MRPS28: variants seen among roughly 807,000 people sequenced by gnomAD.
MRPS28 encodes the protein small ribosomal subunit protein bS1m.
A neutral mutation model predicts 10.8 loss-of-function variants in MRPS28; 7 were observed. The ratio of observed to expected loss-of-function variants is 0.65; its 90% confidence interval spans 0.37 to 1.22. The LOEUF is 1.22. Among genes scored for constraint, MRPS28 ranks in the 50% most tolerant of loss-of-function variants. The probability of loss-of-function intolerance (pLI) is 0.02; values close to 1 mark genes in which losing one functional copy is unlikely to be tolerated. For missense variants in MRPS28, 265 were observed against 232.9 expected (o/e 1.14, Z -0.90); for synonymous variants, 121 against 93.3 (o/e 1.30, Z -1.71).
intron 2 of MRPS28, among the ~76,000 whole-genome samples, chr8:79,938,185 C>T (rs1456997661): frequency 2.0e-5 from 3 of 151,280 alleles, no homozygotes; most frequent in African/African-American, 7.3e-5. Context: ...GGGAAGTGCT[C>T]ACCTATCAAG....
At chr8:80,004,648 T>C (rs1274350068) in intron 1 of MRPS28, among the ~76,000 whole-genome samples, 1 of 152,152 alleles carries the variant, frequency 6.6e-6, no homozygotes, top group Non-Finnish European at 1.5e-5. Flanking sequence ...ATGACTTTGA[T>C]GACTTGAGAG....
At chr8:79,968,336 G>T (rs1337818767) in intron 2 of MRPS28, among the ~76,000 whole-genome samples, 27 of 152,100 alleles carry the variant, frequency 1.8e-4, no homozygotes, top group Admixed American at 1.8e-3. Flanking sequence ...CCAAACATAA[G>T]TGCACATCAG....
rs1321928491 is a variant in MRPS28, at chr8:80,006,596, C to G, written c.214-3416G>C. The stretch of plus-strand genomic sequence containing the variant: ...AAAAATGATAAAGGGGATATCACCA[C>G]CGATCCCACAGAAATACAAACTAAC... On this transcript the variant is annotated intron_variant, in intron 1 of 2. Coordinates refer to ENST00000276585, the MANE Select transcript of MRPS28 (RefSeq NM_014018.3). Among the ~76,000 whole-genome samples, 6 of 152,226 alleles carry G rather than the reference C, an allele frequency of 3.9e-5. No individual in the cohort carries two copies. The East Asian group carries it at 7.7e-4, about 20-fold the overall frequency.
intron 2 of MRPS28, among the ~76,000 whole-genome samples, chr8:79,941,690 A>G (rs1806776022): frequency 6.6e-6 from 1 of 152,190 alleles, no homozygotes; most frequent in African/African-American, 2.4e-5. Context: ...ATGAGCTGGA[A>G]ATGAATTTGA....
At chr8:79,920,602 A>G (rs1157450489) in intron 2 of MRPS28, among the ~76,000 whole-genome samples, 5 of 152,184 alleles carry the variant, frequency 3.3e-5, no homozygotes, top group Non-Finnish European at 2.9e-5. Context: ...TTTGAGAAGT[A>G]TCTGTTCATA....
rs750596336 is a variant in MRPS28 at position 80,030,016 on chromosome 8, C to G, written c.213+20G>C. The G allele has an allele frequency of 4.4e-6, 7 of 1,603,232 alleles. No individual in the cohort carries two copies. In the African/African-American group the frequency reaches 5.6e-5, roughly 13 times the overall value. On this transcript the variant is annotated intron_variant, in intron 1 of 2. Coordinates refer to ENST00000276585, the MANE Select transcript of MRPS28 (RefSeq NM_014018.3). The stretch of plus-strand genomic sequence containing the variant: ...GTTGGCGTAATTCCCGCGACTCCCT[C>G]TCACCCGCCCGGGCTCCACCTTCTG...
chr8:79,975,901 CA>C (rs1807783346), intron 2 of MRPS28, among the ~76,000 whole-genome samples: 1 of 152,044 alleles, frequency 6.6e-6, no homozygotes, highest in Admixed American at 6.6e-5. Flanking sequence ...AAAACAACAT[CA>C]ATATATATTA....
chr8:79,930,458 G>A (rs752605514), intron 2 of MRPS28, among the ~76,000 whole-genome samples: 3 of 152,182 alleles, frequency 2.0e-5, no homozygotes, highest in Non-Finnish European at 2.9e-5. Context: ...TAGTAAATAT[G>A]TACTTTCAAA....
At chr8:79,977,614 C>T (rs1054348837) in intron 2 of MRPS28, among the ~76,000 whole-genome samples, 4 of 152,070 alleles carry the variant, frequency 2.6e-5, no homozygotes, top group African/African-American at 9.7e-5. Context: ...ACCAGGAGTT[C>T]GAGACCTGCC....
At chr8:79,926,034 G>C (rs1354464334) in intron 2 of MRPS28, among the ~76,000 whole-genome samples, 1 of 150,102 alleles carries the variant, frequency 6.7e-6, no homozygotes, top group Non-Finnish European at 1.5e-5. Flanking sequence ...AAAGAAAAGA[G>C]GAAAAGGAAA....
intron 2 of MRPS28, among the ~76,000 whole-genome samples, chr8:79,986,959 C>T (rs1036095488): frequency 1.3e-5 from 2 of 152,324 alleles, no homozygotes; most frequent in East Asian, 1.9e-4. Flanking sequence ...AAAGAGCCCA[C>T]ATCGCCAAGT....
chr8:80,019,760 C>T (rs1182943377), intron 1 of MRPS28, among the ~76,000 whole-genome samples: 2 of 152,024 alleles, frequency 1.3e-5, no homozygotes, highest in African/African-American at 4.8e-5. Flanking sequence ...AAAAAACCTC[C>T]TGGAATAAGT....
intron 2 of MRPS28, among the ~76,000 whole-genome samples, chr8:79,974,556 C>T (rs148297752): frequency 1.3e-5 from 2 of 149,146 alleles, no homozygotes; most frequent in African/African-American, 5.0e-5. Flanking sequence ...CAAAACAAAA[C>T]AAAACAAAAT....
At chr8:79,937,766 T>C (rs899162722) in intron 2 of MRPS28, among the ~76,000 whole-genome samples, 1 of 152,226 alleles carries the variant, frequency 6.6e-6, no homozygotes, top group Non-Finnish European at 1.5e-5. Flanking sequence ...TTTTAAAGAA[T>C]GAAAAGGTAT....
chr8:79,970,178 A>G (rs1331654503), intron 2 of MRPS28, among the ~76,000 whole-genome samples: 4 of 152,050 alleles, frequency 2.6e-5, no homozygotes, highest in Non-Finnish European at 5.9e-5. Context: ...GAGTAAATCT[A>G]TTTTGCTTCC....
intron 2 of MRPS28, among the ~76,000 whole-genome samples, chr8:79,998,300 T>C (rs1391700441): frequency 2.0e-5 from 3 of 152,200 alleles, no homozygotes; most frequent in Non-Finnish European, 4.4e-5. Flanking sequence ...TGAGTCATTC[T>C]GATTTGTCAT....
chr8:79,944,537 C>A (rs573514607), intron 2 of MRPS28, among the ~76,000 whole-genome samples: 2 of 152,058 alleles, frequency 1.3e-5, no homozygotes, highest in Admixed American at 1.3e-4. Flanking sequence ...AATAGCTAGC[C>A]CTTATCTTTT....
At chr8:79,940,493 T>C (rs1313078509) in intron 2 of MRPS28, among the ~76,000 whole-genome samples, 1 of 152,250 alleles carries the variant, frequency 6.6e-6, no homozygotes, top group African/African-American at 2.4e-5. Context: ...GGCTGGAGTA[T>C]AAATTCCAAA....
chr8:79,938,515 G>C (rs575379183), intron 2 of MRPS28, among the ~76,000 whole-genome samples: 28 of 148,956 alleles, frequency 1.9e-4, no homozygotes, highest in Non-Finnish European at 3.9e-4. Context: ...CATTCTTTTT[G>C]GTAAAAAAAT....
Sources: gnomAD v4.1 joint callset for allele counts (sites outside exome capture counted in the v4.1 genomes callset) on GRCh38, gnomAD v4.1.1 for gene constraint, MANE v1.5 for transcripts, NCBI Gene and HGNC (gene_info 2026-07-23, HGNC 2026-07-21) for gene names.